Variants in PRH1 observed in about 807,000 individuals in gnomAD.
The protein encoded by PRH1 is salivary acidic proline-rich phosphoprotein 1/2.
In PRH1, 7 loss-of-function variants were observed where a neutral mutation model predicts 7.9. The observed-to-expected ratio is 0.89, with a 90% CI of 0.50 to 1.67. The LOEUF is 1.67. Ranked by LOEUF, PRH1 falls within the 40% of genes most tolerant of loss-of-function variation. The pLI is 0.00. For missense variants in PRH1, 109 were observed against 223.6 expected (o/e 0.49, Z 3.27); for synonymous variants, 45 against 80.8 (o/e 0.56, Z 2.38).
At chr12:10,924,892 TTTC>T (rs1229892432) in intron 2 of PRH1, among the ~76,000 whole-genome samples, 10 of 152,186 alleles carry the variant, frequency 6.6e-5, no homozygotes, top group South Asian at 2.1e-4. Flanking sequence ...TTTTCTCTCT[TTTC>T]TTCTTTATTA....
At chr12:10,930,797 A>G (rs139979180) in intron 2 of PRH1, 2 of 1,613,410 alleles carry the variant, frequency 1.2e-6, no homozygotes, top group Non-Finnish European at 1.7e-6. Flanking sequence ...CAAGGAGGCC[A>G]GCAGCAACAA....
At chr12:11,141,734 T>G (rs555454458) in intron 1 of PRH1, among the ~76,000 whole-genome samples, 1 of 152,336 alleles carries the variant, frequency 6.6e-6, no homozygotes, top group African/African-American at 2.4e-5. Flanking sequence ...TTATTAATTT[T>G]TCATATGATC....
At chr12:10,918,392 A>G (rs1396327308) in intron 2 of PRH1, among the ~76,000 whole-genome samples, 1 of 152,146 alleles carries the variant, frequency 6.6e-6, no homozygotes, top group Admixed American at 6.5e-5. Context: ...TAAATAATAC[A>G]TTTTTAAAAG....
chr12:10,983,966 T>A (rs1031040277), intron 1 of PRH1, among the ~76,000 whole-genome samples: 1 of 152,258 alleles, frequency 6.6e-6, no homozygotes. Flanking sequence ...TTTAGTGTTA[T>A]AATTGTTATT....
chr12:11,051,597 C>T (rs1943146942), upstream of PRH1, among the ~76,000 whole-genome samples: 1 of 152,148 alleles, frequency 6.6e-6, no homozygotes, highest in Admixed American at 6.5e-5. Context: ...CTACACCTTT[C>T]TTCACACCTC....
chr12:11,126,217 C>T lies in PRH1; in HGVS notation n.40-5037G>A, dbSNP rs147939886. ...TACACCTTCTTGTTGATATCATTTC[C>T]CTTTTGTTTCCTCCGTCCCTACTGT... is the stretch of plus-strand genomic sequence containing the variant. On this transcript the variant is annotated intron_variant and non_coding_transcript_variant, in intron 1 of 1. Transcript: ENST00000541175. Among the ~76,000 whole-genome samples the T allele has an allele frequency of 2.7e-4, 41 of 152,366 alleles. No homozygotes were observed. In the East Asian group the frequency reaches 7.9e-3, roughly 29 times the overall value.
At chr12:11,045,834 A>G (rs2708323) in intron 1 of PRH1, among the ~76,000 whole-genome samples, 113,305 of 152,020 alleles carry the variant, frequency 0.75, 44,719 homozygotes, top group East Asian at 0.96. Flanking sequence ...GAAAATCTTC[A>G]GATAATTTCT....
chr12:11,069,419 G>C (rs1239575001), intron 1 of PRH1, among the ~76,000 whole-genome samples: 1 of 74,896 alleles, frequency 1.3e-5, no homozygotes, highest in Non-Finnish European at 3.4e-5. Context: ...AGAGATTGTA[G>C]AATTGAGATC....
intron 2 of PRH1, among the ~76,000 whole-genome samples, chr12:10,936,302 AAAT>A (rs896834851): frequency 1.3e-5 from 2 of 152,174 alleles, no homozygotes; most frequent in South Asian, 2.1e-4. Context: ...TAAGAATAGG[AAAT>A]AATAATATTT....
chr12:11,142,356 T>C (rs527239973), intron 1 of PRH1, among the ~76,000 whole-genome samples: 2 of 152,262 alleles, frequency 1.3e-5, no homozygotes, highest in South Asian at 4.1e-4. Flanking sequence ...TCCTAAAATA[T>C]ATCTGGAAAT....
At position 10,928,796 on chromosome 12, in the gene PRH1, T is replaced by C. The variant is rs78571954; in HGVS notation, c.-58-44521A>G. On this transcript the variant is annotated intron_variant, in intron 2 of 3. Transcript: ENST00000539853. ...GCACACACATCATGAGAGATGGAAA[T>C]AGGCTATCAAAAGAGTCAGACATAT... 3.2e-3 allele frequency among the ~76,000 whole-genome samples: 493 copies of C among 152,276 alleles called. 4 individuals are homozygous for C. Among genetic ancestry groups the C allele is most frequent in the African/African-American group, 0.011 (467 of 41,574 alleles).
At chr12:11,075,415 C>A (rs1294448728) in intron 1 of PRH1, among the ~76,000 whole-genome samples, 1 of 104,314 alleles carries the variant, frequency 9.6e-6, no homozygotes. Context: ...GTGTTCACTT[C>A]TTTTGTATCA....
At chr12:11,011,789 C>A (rs568166331) in intron 1 of PRH1, among the ~76,000 whole-genome samples, 50 of 152,250 alleles carry the variant, frequency 3.3e-4, no homozygotes, top group Admixed American at 1.0e-3. Context: ...TTGCTGCTAA[C>A]TAATACTTTT....
At chr12:11,022,551 G>A in intron 1 of PRH1, 1 of 1,611,126 alleles carries the variant, frequency 6.2e-7, no homozygotes, top group Non-Finnish European at 8.5e-7. Flanking sequence ...TTGATGAAAT[G>A]ATGAGCAGAA....
At chr12:10,991,534 G>C (rs1320892152) in intron 1 of PRH1, among the ~76,000 whole-genome samples, 1 of 151,860 alleles carries the variant, frequency 6.6e-6, no homozygotes, top group Non-Finnish European at 1.5e-5. Context: ...ACTTTTAAAT[G>C]TAACTTTGAC....
Position 10,941,212 on chromosome 12 carries a change from G to C in PRH1, c.-59+32443C>G, listed in dbSNP as rs114943062. On this transcript the variant is annotated intron_variant, in intron 2 of 3. Coordinates refer to the PRH1 transcript ENST00000539853. ...AGAGCAGAGCTCACGTCTCCAGTGAGAGCTACAATAACCCCAGAGGGTCTC... is the reference window on the plus strand; with the variant it reads ...AGAGCAGAGCTCACGTCTCCAGTGACAGCTACAATAACCCCAGAGGGTCTC... Among the ~76,000 whole-genome samples, 700 of 152,306 alleles carry C rather than the reference G, an allele frequency of 4.6e-3. 6 individuals are homozygous for C. Among genetic ancestry groups the C allele is most frequent in the African/African-American group, 0.016 (674 of 41,574 alleles).
At chr12:10,979,445 A>G (rs1273218076) in intron 1 of PRH1, among the ~76,000 whole-genome samples, 1 of 152,144 alleles carries the variant, frequency 6.6e-6, no homozygotes, top group Non-Finnish European at 1.5e-5. Flanking sequence ...TCAAGAAGTG[A>G]CACAAAGGCC....
intron 1 of PRH1, chr12:11,061,835 A>G (rs746784933): frequency 6.9e-5 from 112 of 1,614,066 alleles, no homozygotes; most frequent in Non-Finnish European, 9.2e-5. Context: ...TCTTTTGTCC[A>G]TATAATCTGA....
At chr12:10,994,830 A>C (rs967644278) in intron 1 of PRH1, among the ~76,000 whole-genome samples, 4 of 152,204 alleles carry the variant, frequency 2.6e-5, no homozygotes, top group African/African-American at 9.6e-5. Flanking sequence ...TTGTTTATAT[A>C]ATAACCAGCT....
Sources: gnomAD v4.1 joint callset for allele counts (sites outside exome capture counted in the v4.1 genomes callset) on GRCh38, gnomAD v4.1.1 for gene constraint, MANE v1.5 for transcripts, NCBI Gene and HGNC (gene_info 2026-07-23, HGNC 2026-07-21) for gene names.